The following ASTE1 variants were observed in gnomAD, a reference collection of about 807,000 sequenced individuals.
ASTE1 encodes single-strand DNA endonuclease ASTE1.
Under a neutral mutation model 45.8 loss-of-function variants are expected in ASTE1, and 49 were observed. The ratio of observed to expected loss-of-function variants is 1.07; its 90% CI spans 0.85 to 1.36. The LOEUF is 1.36. Among genes scored for constraint, ASTE1 ranks in the 40% most tolerant of loss-of-function variants. The pLI, the probability that ASTE1 is intolerant of heterozygous loss-of-function variation, is 0.00. For synonymous variants in ASTE1, 296 were observed against 303.9 expected (o/e 0.97, Z 0.27); for missense variants, 709 against 804.0 (o/e 0.88, Z 1.43).
chr3:131,018,143 C>T (rs1373675899), intron 4 of ASTE1, among the ~76,000 whole-genome samples: 1 of 152,088 alleles, frequency 6.6e-6, no homozygotes, highest in African/African-American at 2.4e-5. Flanking sequence ...CTTGTGATGA[C>T]GTTGCTGCTG....
intron 3 of ASTE1, among the ~76,000 whole-genome samples, chr3:131,022,282 TCTAA>T (rs2063752294): frequency 6.6e-6 from 1 of 152,158 alleles, no homozygotes; most frequent in Admixed American, 6.5e-5. Flanking sequence ...TTCTCCTTTA[TCTAA>T]CTGAGGTATA....
chr3:131,023,939 A>G, intron 3 of ASTE1, 66 bp downstream of exon 3: 1 of 1,461,460 alleles, frequency 6.8e-7, no homozygotes, highest in Non-Finnish European at 9.2e-7. Flanking sequence ...GAACTAATAT[A>G]GAAGACAGCA....
At chr3:131,020,900 G>A (rs1420501352) in intron 3 of ASTE1, among the ~76,000 whole-genome samples, 3 of 152,140 alleles carry the variant, frequency 2.0e-5, no homozygotes, top group Non-Finnish European at 4.4e-5. Context: ...AATATAAGCA[G>A]CCTGCTATAC....
intron 3 of ASTE1, among the ~76,000 whole-genome samples, chr3:131,019,667 A>G (rs1322763732): frequency 1.3e-5 from 2 of 152,236 alleles, no homozygotes; most frequent in Admixed American, 6.5e-5. Flanking sequence ...ACACAGCCAG[A>G]AAAAGATTTT....
chr3:131,017,860 C>G (rs1485035730), intron 4 of ASTE1, among the ~76,000 whole-genome samples: 1 of 149,266 alleles, frequency 6.7e-6, no homozygotes, highest in Non-Finnish European at 1.5e-5. Context: ...ATCCCAGCTA[C>G]TCGGAAGGCT....
chr3:131,021,597 A>G (rs2063743188), intron 3 of ASTE1, among the ~76,000 whole-genome samples: 1 of 152,204 alleles, frequency 6.6e-6, no homozygotes, highest in African/African-American at 2.4e-5. Context: ...ATTCATCTGG[A>G]TCTTCTTTGC....
intron 3 of ASTE1, among the ~76,000 whole-genome samples, chr3:131,019,654 T>C (rs957398456): frequency 1.3e-5 from 2 of 152,236 alleles, no homozygotes; most frequent in African/African-American, 2.4e-5. Context: ...TCCTAGTGTC[T>C]GCACACAGCC....
chr3:131,019,089 A>G (rs2109089385), intron 3 of ASTE1, among the ~76,000 whole-genome samples: 1 of 152,330 alleles, frequency 6.6e-6, no homozygotes, highest in East Asian at 1.9e-4. Context: ...AGGAATATAC[A>G]TTTTAACTAG....
chr3:131,016,405 A>T (rs942268580), intron 4 of ASTE1, 66 bp from the exon 5 acceptor site: 10 of 1,511,830 alleles, frequency 6.6e-6, no homozygotes, highest in Non-Finnish European at 9.2e-6. Context: ...CATTTTCTCC[A>T]CATATACTAC....
chr3:131,016,932 G>T, intron 4 of ASTE1: 1 of 1,164,094 alleles, frequency 8.6e-7, no homozygotes, highest in East Asian at 5.7e-5. Flanking sequence ...ATTTGTTTGG[G>T]CAGGGGTGCA....
Position 131,024,736 on chromosome 3 carries a change from T to C in ASTE1, c.571A>G (p.Asn191Asp). The change falls in exon 3 of 6, where the codon AAC becomes GAC. Residue 191 changes from asparagine to aspartate, a missense_variant. By Grantham distance (23) the Asn-to-Asp change is conservative. Transcript: ENST00000264992. ...RNMNTIKGTQNYIPAKCFSLD... is the reference protein window; with the variant it reads ...RNMNTIKGTQDYIPAKCFSLD... ...GAAAAGCATTTGGCAGGGATATAGT[T>C]TTGTGTGCCCTTAATAGTGTTCATA... The C allele has an allele frequency of 6.2e-7, 1 of 1,611,434 alleles. No homozygotes were observed. Among genetic ancestry groups the C allele is most frequent in the Non-Finnish European group, 8.5e-7 (1 of 1,178,636 alleles).
rs764004534 is a variant in ASTE1 at position 131,024,495 on chromosome 3, T to G, written c.812A>C (p.Glu271Ala). ...GTATTTCAGAACATTATCTAGTGCT[T>G]CGGTAGGGTTGGCAAAATGAGACAA... is the stretch of plus-strand genomic sequence containing the variant. ...NWLSHFANPT[E>A]ALDNVLKYLP... The change falls in exon 3 of 6, where the codon GAA becomes GCA. Residue 271 changes from glutamate to alanine, a missense_variant. Glu to Ala is a moderately radical substitution (Grantham distance 107). Coordinates refer to ENST00000264992, the MANE Select transcript of ASTE1 (RefSeq NM_014065.4). 6.2e-7 allele frequency: 1 copy of G among 1,614,098 alleles called. No homozygotes were observed. Among genetic ancestry groups the G allele is most frequent in the Non-Finnish European group, 8.5e-7 (1 of 1,179,998 alleles).
chr3:131,014,814 G>A (rs1036995035), intron 5 of ASTE1, among the ~76,000 whole-genome samples: 13 of 152,150 alleles, frequency 8.5e-5, no homozygotes, highest in Admixed American at 2.6e-4. Flanking sequence ...AATAGAAGAT[G>A]GGATTAATTG....
chr3:131,025,985 AT>A (rs1179098986), intron 1 of ASTE1, among the ~76,000 whole-genome samples: 1 of 152,002 alleles, frequency 6.6e-6, no homozygotes, highest in Non-Finnish European at 1.5e-5. Flanking sequence ...TCATCATCTT[AT>A]TTTGCATATC....
At chr3:131,026,224 T>C (rs1379026345) in intron 1 of ASTE1, 1 of 152,250 alleles carries the variant, frequency 6.6e-6, no homozygotes, top group African/African-American at 2.4e-5. Flanking sequence ...CATTTACATT[T>C]TACACTTATC....
At chr3:131,021,824 CTTAT>C (rs2063746135) in intron 3 of ASTE1, among the ~76,000 whole-genome samples, 1 of 152,198 alleles carries the variant, frequency 6.6e-6, no homozygotes, top group Admixed American at 6.5e-5. Flanking sequence ...CTGTACACTA[CTTAT>C]TTCTCAGTAA....
chr3:131,024,504 T>C lies in ASTE1; in HGVS notation c.803A>G (p.Asn268Ser), dbSNP rs2109100609. The change falls in exon 3 of 6, where the codon AAC becomes AGC. Residue 268 changes from asparagine (N) to serine (S), a missense_variant. Physicochemically the swap from Asn to Ser is conservative, Grantham distance 46 (BLOSUM62 1). Transcript: ENST00000264992. Reference protein sequence around the residue: ...GLLNWLSHFANPTEALDNVLK... With the variant: ...GLLNWLSHFASPTEALDNVLK... ...AACATTATCTAGTGCTTCGGTAGGG[T>C]TGGCAAAATGAGACAACCAATTCAG... The C allele has an allele frequency of 6.2e-7, 1 of 1,614,042 alleles. No homozygotes were observed. The highest frequency in any genetic ancestry group is 8.5e-7 in the Non-Finnish European group (1 of 1,180,014).
In ASTE1 at chr3:131,018,499, T is replaced by TAA. The variant is rs1194977693; in HGVS notation, c.1513+6_1513+7insTT. The TAA allele has an allele frequency of 6.2e-7, 1 of 1,612,698 alleles. No individual in the cohort carries two copies. ...ACAATATACTCCTGTAATTTCCAGT[T>TAA]ACCTACCAGGGCTGTTGATTATGGC... On this transcript the variant is annotated splice_region_variant and intron_variant, in intron 4 of 5. Transcript: ENST00000264992.
chr3:131,020,387 C>T lies in ASTE1; in HGVS notation c.1303-1671G>A, dbSNP rs189523437. Among the ~76,000 whole-genome samples the T allele has an allele frequency of 9.1e-4, 139 of 152,306 alleles. 1 individual carries two copies. Among genetic ancestry groups the T allele is most frequent in the African/African-American group, 3.2e-3 (135 of 41,576 alleles). Reference sequence around the variant, plus strand: ...CACAAGCCTGCAGAAGCAGCTGCCCCGAGAGGCAGAGATGCCCAGAGAGAG... The same window carrying T: ...CACAAGCCTGCAGAAGCAGCTGCCCTGAGAGGCAGAGATGCCCAGAGAGAG... On this transcript the variant is annotated intron_variant, in intron 3 of 5. Transcript: ENST00000264992.
Sources: allele counts gnomAD v4.1 joint callset (sites outside exome capture counted in the v4.1 genomes callset), GRCh38; gene constraint gnomAD v4.1.1; transcripts MANE v1.5; gene names NCBI Gene and HGNC (gene_info 2026-07-23, HGNC 2026-07-21).